PITPNM2: variants seen among roughly 807,000 people sequenced by gnomAD.
The protein encoded by PITPNM2 is phosphatidylinositol transfer protein membrane associated 2.
PITPNM2 carries 35 observed loss-of-function variants against 132.2 expected under a neutral mutation model. The observed-to-expected ratio is 0.26, with a 90% CI of 0.20 to 0.35. The LOEUF (loss-of-function observed/expected upper bound fraction) is 0.35. PITPNM2 is among the 10% of genes least tolerant of loss of function. The pLI, the probability that PITPNM2 is intolerant of heterozygous loss-of-function variation, is 1.00. For synonymous variants in PITPNM2, 738 were observed against 799.2 expected (o/e 0.92, Z 1.29); for missense variants, 1,332 against 1,912.0 (o/e 0.70, Z 5.66).
At chr12:122,995,352 A>G in intron 14 of PITPNM2, 37 bp downstream of exon 14, 1 of 1,548,368 alleles carries the variant, frequency 6.5e-7, no homozygotes, top group South Asian at 1.2e-5. Context: ...CTCTTCCCAC[A>G]CCCAGAGGCA....
chr12:122,990,435 C>T, intron 17 of PITPNM2, 110 bp downstream of exon 17: 4 of 1,459,184 alleles, frequency 2.7e-6, no homozygotes, highest in Non-Finnish European at 3.7e-6. Context: ...CAGCAGCAGC[C>T]CTCCCTAGCT....
intron 1 of PITPNM2, among the ~76,000 whole-genome samples, chr12:123,133,286 T>C (rs1412942652): frequency 2.6e-5 from 4 of 152,208 alleles, no homozygotes; most frequent in East Asian, 1.9e-4. Context: ...TATGGCTCCA[T>C]GGCAAATCCC....
In PITPNM2 at chr12:123,106,715, AC is replaced by A. The variant is rs2042722293; in HGVS notation, c.-96+3669del. ...CAGATCTCTACCAAGCTCTGTGGGG[AC>A]AGCAAAGGAGCTGAGGAGGAGCTCT... On this transcript the variant is annotated intron_variant, in intron 2 of 25. Transcript: ENST00000320201. The surrounding 1 kb of genome is among the most constrained non-coding windows in gnomAD (Gnocchi z 4.4). 6.6e-6 allele frequency among the ~76,000 whole-genome samples: 1 copy of A among 152,188 alleles called. No individual in the cohort carries two copies. The highest frequency in any genetic ancestry group is 1.5e-5 in the Non-Finnish European group (1 of 68,030).
chr12:123,120,493 A>T (rs2043013741), intron 1 of PITPNM2, among the ~76,000 whole-genome samples: 1 of 152,190 alleles, frequency 6.6e-6, no homozygotes, highest in African/African-American at 2.4e-5. Flanking sequence ...TCTCATATGG[A>T]GAGTGGATCA....
chr12:123,073,215 T>G (rs2041667411), intron 2 of PITPNM2, among the ~76,000 whole-genome samples: 1 of 152,248 alleles, frequency 6.6e-6, no homozygotes, highest in Non-Finnish European at 1.5e-5. Flanking sequence ...TTCTTCCATA[T>G]TTCATTTTCA....
intron 2 of PITPNM2, among the ~76,000 whole-genome samples, chr12:123,054,388 T>A (rs1409816362): frequency 3.3e-5 from 5 of 152,226 alleles, no homozygotes; most frequent in African/African-American, 9.6e-5. Context: ...ATTTGTTCTA[T>A]CAGATTTAGG....
At chr12:123,044,999 C>T (rs2040606695) in intron 2 of PITPNM2, among the ~76,000 whole-genome samples, 7 of 152,160 alleles carry the variant, frequency 4.6e-5, no homozygotes, top group Admixed American at 3.9e-4. Context: ...TGGACCAACC[C>T]ATTGCACCAA....
At chr12:123,107,934 C>T (rs1032046903) in intron 2 of PITPNM2, among the ~76,000 whole-genome samples, 5 of 152,122 alleles carry the variant, frequency 3.3e-5, no homozygotes, top group South Asian at 4.1e-4. Context: ...AGCAGTATGC[C>T]GTGACAGCAC....
chr12:123,001,015 G>A lies in PITPNM2; in HGVS notation c.1153+39C>T, dbSNP rs116799934. 3.6e-4 allele frequency: 575 copies of A among 1,585,594 alleles called. No individual in the cohort carries two copies. In the African/African-American group the frequency reaches 6.4e-3, roughly 18 times the overall value. Reference sequence around the variant, plus strand: ...AGGAGGGGGCTGAAGCCCTGCAACCGCCCTCCCCAGGCTCTGCAGCACCCC... The same window carrying A: ...AGGAGGGGGCTGAAGCCCTGCAACCACCCTCCCCAGGCTCTGCAGCACCCC... On this transcript the variant is annotated intron_variant, in intron 9 of 25. Coordinates refer to ENST00000320201, the MANE Select transcript of PITPNM2 (RefSeq NM_020845.3).
intron 18 of PITPNM2, among the ~76,000 whole-genome samples, chr12:122,989,196 C>T (rs773627319): frequency 6.6e-6 from 1 of 152,210 alleles, no homozygotes; most frequent in Non-Finnish European, 1.5e-5. Flanking sequence ...GTGGCAACCC[C>T]ATCTCTGCCC....
intron 2 of PITPNM2, among the ~76,000 whole-genome samples, chr12:123,053,796 G>A (rs1330997324): frequency 3.9e-5 from 6 of 152,116 alleles, no homozygotes; most frequent in Admixed American, 3.3e-4. Flanking sequence ...TCGAGCTCCT[G>A]ACCTCAGGTG....
chr12:122,997,225 C>G, intron 11 of PITPNM2, 100 bp downstream of exon 11: 1 of 1,542,468 alleles, frequency 6.5e-7, no homozygotes, highest in Admixed American at 1.8e-5. Flanking sequence ...GTCTGGACAT[C>G]GGGGCAGGAG....
In PITPNM2 at chr12:123,022,270, G is replaced by C. The variant is rs1335234081; in HGVS notation, c.79-8228C>G. 6.6e-6 allele frequency among the ~76,000 whole-genome samples: 1 copy of C among 152,134 alleles called. No individual in the cohort carries two copies. Among genetic ancestry groups the C allele is most frequent in the Non-Finnish European group, 1.5e-5 (1 of 68,012 alleles). On this transcript the variant is annotated intron_variant, in intron 3 of 25. Coordinates refer to ENST00000320201, the MANE Select transcript of PITPNM2 (RefSeq NM_020845.3). The surrounding 1 kb of genome is among the most constrained non-coding windows in gnomAD (Gnocchi z 4.9). ...AAGGACAGGGCAGAGGAGTGCAGCTGGGTCTCAGCTGTGCCTCTGATCAGG... is the reference window on the plus strand; with the variant it reads ...AAGGACAGGGCAGAGGAGTGCAGCTCGGTCTCAGCTGTGCCTCTGATCAGG...
At chr12:122,986,994 G>A (rs1467012277) in intron 23 of PITPNM2, among the ~76,000 whole-genome samples, 165 bp from the exon 24 acceptor site, 1 of 152,264 alleles carries the variant, frequency 6.6e-6, no homozygotes, top group Non-Finnish European at 1.5e-5. Flanking sequence ...CAGGCCCTTG[G>A]GTGCCCGCAC....
intron 2 of PITPNM2, chr12:123,089,010 T>A (rs572797520): frequency 6.6e-6 from 1 of 152,346 alleles, no homozygotes; most frequent in East Asian, 1.9e-4. Context: ...TGTTAGCTGC[T>A]GTTGGGCTTA....
intron 2 of PITPNM2, among the ~76,000 whole-genome samples, chr12:123,094,028 A>C (rs2137141874): frequency 6.6e-6 from 1 of 152,330 alleles, no homozygotes; most frequent in South Asian, 2.1e-4. Context: ...CCAGTGCAGC[A>C]GGCCTGGGGA....
At chr12:123,034,286 C>A in intron 3 of PITPNM2, 1 of 518,676 alleles carries the variant, frequency 1.9e-6, no homozygotes, top group Admixed American at 3.2e-5. Context: ...TTGTAGGCGG[C>A]GGGACACAGT....
At chr12:123,043,341 G>T (rs2040554141) in intron 2 of PITPNM2, among the ~76,000 whole-genome samples, 1 of 152,164 alleles carries the variant, frequency 6.6e-6, no homozygotes, top group South Asian at 2.1e-4. Flanking sequence ...CAGGCTGGAA[G>T]GGCAAGGACC....
chr12:122,990,175 G>A (rs963442616), intron 17 of PITPNM2, among the ~76,000 whole-genome samples: 6 of 152,254 alleles, frequency 3.9e-5, no homozygotes, highest in Non-Finnish European at 5.9e-5. Flanking sequence ...CCCAGCACGG[G>A]GCGCAGCCCC....
Sources: allele counts gnomAD v4.1 joint callset (sites outside exome capture counted in the v4.1 genomes callset), GRCh38; gene constraint gnomAD v4.1.1; non-coding constraint Gnocchi (gnomAD v3.1); transcripts MANE v1.5; gene names NCBI Gene and HGNC (gene_info 2026-07-23, HGNC 2026-07-21).